Variants in PSME4 observed in about 807,000 individuals in gnomAD.
The protein encoded by PSME4 is proteasome activator complex subunit 4.
PSME4 carries 89 observed loss-of-function variants against 253.9 expected under a neutral mutation model. That is an observed-to-expected ratio of 0.35 (90% CI 0.30 to 0.42). The LOEUF (loss-of-function observed/expected upper bound fraction) is 0.42, where lower values mean the gene tolerates loss of function less well. Among genes scored for constraint, PSME4 ranks in the 10% least tolerant of loss-of-function variants. The pLI is 1.00. For synonymous variants in PSME4, 851 were observed against 759.2 expected (o/e 1.12, Z -1.99); for missense variants, 2,014 against 2,195.2 (o/e 0.92, Z 1.65).
chr2:53,957,980 G>A (rs1180624942), intron 1 of PSME4, among the ~76,000 whole-genome samples: 1 of 152,116 alleles, frequency 6.6e-6, no homozygotes, highest in Non-Finnish European at 1.5e-5. Context: ...GAGGTCAGGA[G>A]TTCGAGACCA....
chr2:53,968,835 C>G (rs181735722), intron 1 of PSME4, among the ~76,000 whole-genome samples: 11 of 152,302 alleles, frequency 7.2e-5, no homozygotes, highest in African/African-American at 2.4e-4. Flanking sequence ...AATAACAAAA[C>G]TCGGAGTGCT....
chr2:53,887,934 G>GT lies in PSME4; in HGVS notation c.4443dup (p.Leu1482ThrfsTer51). ...AAGTACTTCAGTAGTCTGTGCAATAGTTCAGGCACTCTCCATTCTTGCTGG... is the reference window on the plus strand; with the variant it reads ...AAGTACTTCAGTAGTCTGTGCAATAGTTTCAGGCACTCTCCATTCTTGCTGG... On this transcript the variant is annotated frameshift_variant, in exon 39 of 47. Coordinates refer to ENST00000404125, the MANE Select transcript of PSME4 (RefSeq NM_014614.3). LOFTEE classifies it high-confidence loss of function. 1.2e-6 allele frequency: 2 copies of GT among 1,609,630 alleles called. No individual in the cohort carries two copies. Among genetic ancestry groups the GT allele is most frequent in the Non-Finnish European group, 1.7e-6 (2 of 1,176,262 alleles).
intron 36 of PSME4, among the ~76,000 whole-genome samples, chr2:53,891,902 C>T (rs1429429536): frequency 8.1e-5 from 12 of 149,068 alleles, no homozygotes; most frequent in Non-Finnish European, 1.8e-4. Flanking sequence ...GGAAGATGGA[C>T]GGATGGATGG....
At chr2:53,925,156 C>A (rs999076480) in intron 14 of PSME4, among the ~76,000 whole-genome samples, 1 of 151,944 alleles carries the variant, frequency 6.6e-6, no homozygotes, top group African/African-American at 2.4e-5. Flanking sequence ...GCAGAATCAC[C>A]AATAAGAAGC....
intron 19 of PSME4, 27 bp from the exon 20 acceptor site, chr2:53,919,273 T>G: frequency 6.4e-7 from 1 of 1,553,998 alleles, no homozygotes; most frequent in Non-Finnish European, 8.6e-7. Flanking sequence ...GACATTTTCA[T>G]ATTTCCAAAT....
At position 53,925,602 on chromosome 2, in the gene PSME4, G is replaced by A. The variant is rs780786714; in HGVS notation, c.1746C>T (p.Val582=). ...TEKMTHLESL[V]ELGLSSTFST... The stretch of plus-strand genomic sequence containing the variant: ...TAAACGTAGAAGACAGACCTAATTC[G>A]ACCAAACTCTCCAAGTGTGTCATTT... Residue 582 remains valine, a synonymous_variant, in exon 14 of 47, where the codon GTC becomes GTT. Coordinates refer to ENST00000404125, the MANE Select transcript of PSME4 (RefSeq NM_014614.3). 14 of 1,609,658 alleles carry A rather than the reference G, an allele frequency of 8.7e-6. No homozygotes were observed. In the South Asian group the frequency reaches 9.9e-5, roughly 11 times the overall value.
intron 3 of PSME4, 86 bp from the exon 4 acceptor site, chr2:53,940,086 TCACA>T (rs2104467397): frequency 9.7e-7 from 1 of 1,029,310 alleles, no homozygotes; most frequent in Non-Finnish European, 1.4e-6. Context: ...TAAGATAACC[TCACA>T]CATTCAGGTA....
intron 3 of PSME4, among the ~76,000 whole-genome samples, chr2:53,947,997 C>CA (rs1281734491): frequency 3.3e-5 from 5 of 152,108 alleles, no homozygotes; most frequent in Non-Finnish European, 5.9e-5. Context: ...GCCTGAGCGT[C>CA]AGAGTGAGAC....
chr2:53,924,666 C>A (rs1463722808), intron 14 of PSME4, among the ~76,000 whole-genome samples: 1 of 151,976 alleles, frequency 6.6e-6, no homozygotes, highest in Non-Finnish European at 1.5e-5. Context: ...GGTACATGTG[C>A]ACAACATGCA....
Position 53,926,950 on chromosome 2 carries a change from G to A in PSME4, c.1593+444C>T, listed in dbSNP as rs565848294. Among the ~76,000 whole-genome samples the A allele has an allele frequency of 3.3e-5, 5 of 150,964 alleles. No homozygotes were observed. The South Asian group carries it at 8.5e-4, about 26-fold the overall frequency. On this transcript the variant is annotated intron_variant, in intron 12 of 46. Coordinates refer to ENST00000404125, the MANE Select transcript of PSME4 (RefSeq NM_014614.3). ...ATCACATCACTGCACTCCAGCCTGGGTGACATAACAAGACTCCATCTCAAA... is the reference window on the plus strand; with the variant it reads ...ATCACATCACTGCACTCCAGCCTGGATGACATAACAAGACTCCATCTCAAA...
intron 41 of PSME4, among the ~76,000 whole-genome samples, chr2:53,882,494 G>C (rs148906437): frequency 6.6e-6 from 1 of 152,100 alleles, no homozygotes; most frequent in Non-Finnish European, 1.5e-5. Context: ...TATAATCCTC[G>C]TAACATCCTT....
At chr2:53,956,024 A>G (rs1670222707) in intron 1 of PSME4, among the ~76,000 whole-genome samples, 1 of 151,356 alleles carries the variant, frequency 6.6e-6, no homozygotes, top group African/African-American at 2.4e-5. Flanking sequence ...CAGCACTTTG[A>G]GAGACTGAGA....
At chr2:53,867,165 C>T (rs1558636952) in intron 44 of PSME4, among the ~76,000 whole-genome samples, 1 of 152,044 alleles carries the variant, frequency 6.6e-6, no homozygotes, top group African/African-American at 2.4e-5. Context: ...TTGAGACCAG[C>T]CAGGGCAATA....
At chr2:53,866,672 T>A in intron 45 of PSME4, 75 bp downstream of exon 45, 2 of 1,477,884 alleles carry the variant, frequency 1.4e-6, no homozygotes, top group South Asian at 2.6e-5. Context: ...TCAGAGTGTA[T>A]AGGAAATTAT....
chr2:53,940,318 A>G (rs1227661635), intron 3 of PSME4, among the ~76,000 whole-genome samples: 2 of 152,154 alleles, frequency 1.3e-5, no homozygotes, highest in Non-Finnish European at 2.9e-5. Flanking sequence ...TTATCAACAC[A>G]GTGGCTTAAA....
chr2:53,869,722 AAT>A, intron 43 of PSME4, 184 bp from the exon 44 acceptor site: 1 of 419,044 alleles, frequency 2.4e-6, no homozygotes, highest in Non-Finnish European at 4.2e-6. Flanking sequence ...GTGGCCTCAT[AAT>A]GGATAAAAAC....
chr2:53,928,431 G>C (rs1164376746), intron 10 of PSME4, 128 bp from the exon 11 acceptor site: 14 of 700,368 alleles, frequency 2.0e-5, no homozygotes, highest in South Asian at 1.2e-4. Context: ...AATACTCAGA[G>C]TGAAAATCTG....
intron 1 of PSME4, among the ~76,000 whole-genome samples, chr2:53,966,223 G>T (rs1670729644): frequency 6.6e-6 from 1 of 152,160 alleles, no homozygotes; most frequent in Non-Finnish European, 1.5e-5. Flanking sequence ...GGCAGAGGCT[G>T]CAGTGAGCCG....
In PSME4 at chr2:53,920,894, T is replaced by C. The variant is rs751256905; in HGVS notation, c.2257A>G (p.Ile753Val). The change falls in exon 18 of 47, where the codon ATC (isoleucine) becomes GTC (valine). Residue 753 changes from isoleucine to valine, a missense_variant. Ile to Val is a conservative substitution (Grantham distance 29, BLOSUM62 3). Coordinates refer to ENST00000404125, the MANE Select transcript of PSME4 (RefSeq NM_014614.3). ...AAAGTACTGAAAATGCTTGCCTTGATAGGAAAGTATTCAGAAGGAGGCTTG... is the reference window on the plus strand; with the variant it reads ...AAAGTACTGAAAATGCTTGCCTTGACAGGAAAGTATTCAGAAGGAGGCTTG... Reference protein sequence around the residue: ...FDKPPSEYFPIKDWGKPGDLW... With the variant: ...FDKPPSEYFPVKDWGKPGDLW... The C allele has an allele frequency of 1.3e-6, 2 of 1,594,912 alleles. No homozygotes were observed. The highest frequency in any genetic ancestry group is 1.1e-5 in the South Asian group (1 of 90,536).
Sources: allele counts gnomAD v4.1 joint callset (sites outside exome capture counted in the v4.1 genomes callset), GRCh38; gene constraint gnomAD v4.1.1; transcripts MANE v1.5; gene names NCBI Gene and HGNC (gene_info 2026-07-23, HGNC 2026-07-21).